ZNF462: variants seen among roughly 807,000 people sequenced by gnomAD.
ZNF462 encodes zinc finger PBX1-interacting protein.
In ZNF462, 10 loss-of-function variants were observed where a neutral mutation model predicts 201.9. The observed-to-expected ratio is 0.05, with a 90% CI of 0.03 to 0.08. ZNF462 has a LOEUF of 0.08. Among genes scored for constraint, ZNF462 ranks in the 10% least tolerant of loss-of-function variants. The probability of loss-of-function intolerance (pLI) is 1.00; values close to 1 mark genes in which losing one functional copy is unlikely to be tolerated. For missense variants in ZNF462, 2,523 were observed against 3,168.3 expected (o/e 0.80, Z 4.89); for synonymous variants, 1,227 against 1,193.3 (o/e 1.03, Z -0.58).
intron 7 of ZNF462, among the ~76,000 whole-genome samples, chr9:106,955,262 G>A (rs1831523660): frequency 2.0e-5 from 3 of 152,046 alleles, no homozygotes; most frequent in African/African-American, 7.2e-5. Flanking sequence ...AGCAAATATT[G>A]CAATATAAAA....
rs1247946659 is a variant in ZNF462 at position 106,883,349 on chromosome 9, C to G, written c.-31+19994C>G. ...AGGATAATAGCGGGAAAGTCAAAGC[C>G]TTTCTAAAGCAGAGACCATATTAAT... is the stretch of plus-strand genomic sequence containing the variant. On this transcript the variant is annotated intron_variant, in intron 1 of 12. Transcript: ENST00000277225. The surrounding 1 kb of genome is among the most constrained non-coding windows in gnomAD (Gnocchi z 4.9). 6.6e-6 allele frequency among the ~76,000 whole-genome samples: 1 copy of G among 152,216 alleles called. No individual in the cohort carries two copies. The highest frequency in any genetic ancestry group is 2.4e-5 in the African/African-American group (1 of 41,458).
rs542473608 is a variant in ZNF462, at chr9:106,933,571, A to G, written c.6116+1022A>G. ...TGTCCTAGGTACTGTACTTTTGGGAAATATAAAGACACAGGCCATGGTCTG... is the reference window on the plus strand; with the variant it reads ...TGTCCTAGGTACTGTACTTTTGGGAGATATAAAGACACAGGCCATGGTCTG... On this transcript the variant is annotated intron_variant, in intron 5 of 12. Transcript: ENST00000277225. This position sits in a 1 kb window ranked among gnomAD's most constrained non-coding sequence, Gnocchi z 4.3. Among the ~76,000 whole-genome samples the G allele has an allele frequency of 5.3e-5, 8 of 152,286 alleles. No homozygotes were observed. Among genetic ancestry groups the G allele is most frequent in the Non-Finnish European group, 1.0e-4 (7 of 68,020 alleles).
chr9:106,935,646 A>G lies in ZNF462; in HGVS notation c.6235+25A>G, dbSNP rs765073546. 2.5e-6 allele frequency: 4 copies of G among 1,584,418 alleles called. No homozygotes were observed. In the Admixed American group the frequency reaches 6.7e-5, roughly 26 times the overall value. On this transcript the variant is annotated intron_variant, in intron 6 of 12. Coordinates refer to ENST00000277225, the MANE Select transcript of ZNF462 (RefSeq NM_021224.6). This position sits in a 1 kb window ranked among gnomAD's most constrained non-coding sequence, Gnocchi z 4.1. ...GGTGAGTTGTGCATTGATGATGCACAAGTTCTTTAGCACTCTCTGAGTTTG... is the reference window on the plus strand; with the variant it reads ...GGTGAGTTGTGCATTGATGATGCACGAGTTCTTTAGCACTCTCTGAGTTTG...
At chr9:106,867,783 A>G (rs12686549) in intron 1 of ZNF462, among the ~76,000 whole-genome samples, 11,605 of 152,190 alleles carry the variant, frequency 0.076, 512 homozygotes, top group South Asian at 0.14. Flanking sequence ...TTATTCCTTG[A>G]TGTTGCAATT....
rs777888145 is a variant in ZNF462, at chr9:106,935,669, T to C, written c.6235+48T>C. On this transcript the variant is annotated intron_variant, in intron 6 of 12. Transcript: ENST00000277225. The surrounding 1 kb of genome is among the most constrained non-coding windows in gnomAD (Gnocchi z 4.1). The stretch of plus-strand genomic sequence containing the variant: ...ACAAGTTCTTTAGCACTCTCTGAGT[T>C]TGAAACCTGATGATCTTTATTGAGT... 2.1e-6 allele frequency: 3 copies of C among 1,459,072 alleles called. No homozygotes were observed. Among genetic ancestry groups the C allele is most frequent in the South Asian group, 1.1e-5 (1 of 87,736 alleles). 90.4% of individuals were successfully genotyped at this position (1,459,072 alleles called of 1,614,324 possible). A position where few individuals can be genotyped will look rare whatever the true frequency, so the allele number is the denominator to read the frequency against.
chr9:106,991,839 T>TACACAC (rs200978759), intron 10 of ZNF462, among the ~76,000 whole-genome samples: 1,536 of 136,324 alleles, frequency 0.011, 8 homozygotes, highest in Middle Eastern at 0.015. Flanking sequence ...CAGCACTCTC[T>TACACAC]ACACACACAC....
Position 106,886,457 on chromosome 9 carries a change from A to G in ZNF462, c.-31+23102A>G, listed in dbSNP as rs969036807. ...ATCCTGGTTTTAAAAATAAAATGCC[A>G]GGATGCCACCCTGAGGATCCAGACA... On this transcript the variant is annotated intron_variant, in intron 1 of 12. Transcript: ENST00000277225. The surrounding 1 kb of genome is among the most constrained non-coding windows in gnomAD (Gnocchi z 4.6). Among the ~76,000 whole-genome samples, 1 of 152,240 alleles carries G rather than the reference A, an allele frequency of 6.6e-6. No individual in the cohort carries two copies. The highest frequency in any genetic ancestry group is 2.4e-5 in the African/African-American group (1 of 41,456).
At chr9:106,906,106 T>C (rs1829261122) in intron 1 of ZNF462, among the ~76,000 whole-genome samples, 1 of 152,316 alleles carries the variant, frequency 6.6e-6, no homozygotes, top group Non-Finnish European at 1.5e-5. Context: ...CACTTGGCTC[T>C]CTAACTTGAC....
intron 6 of ZNF462, among the ~76,000 whole-genome samples, chr9:106,936,158 C>T (rs1830622757): frequency 6.6e-6 from 1 of 152,166 alleles, no homozygotes; most frequent in African/African-American, 2.4e-5. Flanking sequence ...CATCTCATTA[C>T]TCATTAGAAA....
In ZNF462 at chr9:106,905,094, T is replaced by A. The variant is rs1159975999; in HGVS notation, c.-30-18260T>A. On this transcript the variant is annotated intron_variant, in intron 1 of 12. Transcript: ENST00000277225. The surrounding 1 kb of genome is among the most constrained non-coding windows in gnomAD (Gnocchi z 5.9). ...CTATGGCTGAAGACTGTTGTTCAGA[T>A]TCTTTTGTCCCAAGGGGTGTTCCCT... 6.6e-6 allele frequency among the ~76,000 whole-genome samples: 1 copy of A among 152,162 alleles called. No homozygotes were observed. Among genetic ancestry groups the A allele is most frequent in the Admixed American group, 6.6e-5 (1 of 15,262 alleles).
Position 106,913,430 on chromosome 9 carries a change from G to A in ZNF462, c.-30-9924G>A, listed in dbSNP as rs1443499564. ...ATCTCATCAGAGCCAGACTTATGCC[G>A]GGCCCTGGGGATATAAGAATAAAAA... On this transcript the variant is annotated intron_variant, in intron 1 of 12. Transcript: ENST00000277225. The surrounding 1 kb of genome is among the most constrained non-coding windows in gnomAD (Gnocchi z 4.1). Among the ~76,000 whole-genome samples, 1 of 152,088 alleles carries A rather than the reference G, an allele frequency of 6.6e-6. No individual in the cohort carries two copies. The highest frequency in any genetic ancestry group is 2.4e-5 in the African/African-American group (1 of 41,406).
In ZNF462 at chr9:106,920,329, T is replaced by G. The variant is rs969772172; in HGVS notation, c.-30-3025T>G. On this transcript the variant is annotated intron_variant, in intron 1 of 12. Coordinates refer to ENST00000277225, the MANE Select transcript of ZNF462 (RefSeq NM_021224.6). This position sits in a 1 kb window ranked among gnomAD's most constrained non-coding sequence, Gnocchi z 4.3. ...ATCTCATAAACATATCAAGTTTCTC[T>G]CTCTTTGATTGGGCCATGCCAGCAA... Among the ~76,000 whole-genome samples the G allele has an allele frequency of 2.0e-5, 3 of 152,188 alleles. No homozygotes were observed. Among genetic ancestry groups the G allele is most frequent in the Admixed American group, 6.5e-5 (1 of 15,278 alleles).
Position 106,970,902 on chromosome 9 carries a change from C to T in ZNF462, c.6428-1103C>T, listed in dbSNP as rs1338789306. ...TCCTCCCTCCTAGATCAGATTTCTC[C>T]ACCGCATGCCATTGAAGCTTCTCGG... On this transcript the variant is annotated intron_variant, in intron 7 of 12. Transcript: ENST00000277225. This position sits in a 1 kb window ranked among gnomAD's most constrained non-coding sequence, Gnocchi z 4.2. 6.6e-6 allele frequency among the ~76,000 whole-genome samples: 1 copy of T among 151,704 alleles called. No homozygotes were observed. The highest frequency in any genetic ancestry group is 6.6e-5 in the Admixed American group (1 of 15,216).
Position 106,984,362 on chromosome 9 carries a change from A to G in ZNF462, c.7009A>G (p.Thr2337Ala), listed in dbSNP as rs1238727047. Residue 2337 changes from threonine to alanine, a missense_variant, in exon 10 of 13, where the codon ACC becomes GCC. This residue lies in a region of ZNF462 where 228 missense variants were observed against 361.2 expected (regional missense o/e 0.63). Transcript: ENST00000277225. This position sits in a 1 kb window ranked among gnomAD's most constrained non-coding sequence, Gnocchi z 6.4. The stretch of plus-strand genomic sequence containing the variant: ...CAAATGCCAGCTCTGCTACTATGAG[A>G]CCAAGCACACGGAGGAACTGGACAG... ...PYKCQLCYYE[T>A]KHTEELDSHL... 1 of 1,614,016 alleles carries G rather than the reference A, an allele frequency of 6.2e-7. No individual in the cohort carries two copies. The highest frequency in any genetic ancestry group is 1.7e-5 in the Admixed American group (1 of 59,996).
Position 106,885,144 on chromosome 9 carries a change from A to G in ZNF462, c.-31+21789A>G, listed in dbSNP as rs1320287227. ...GCAGGTCAGACACTTCAGCTTCCCAAGAAAATGCAAGGAATTTATTTATTT... is the reference window on the plus strand; with the variant it reads ...GCAGGTCAGACACTTCAGCTTCCCAGGAAAATGCAAGGAATTTATTTATTT... On this transcript the variant is annotated intron_variant, in intron 1 of 12. Transcript: ENST00000277225. This position sits in a 1 kb window ranked among gnomAD's most constrained non-coding sequence, Gnocchi z 4.1. 6.6e-6 allele frequency among the ~76,000 whole-genome samples: 1 copy of G among 152,238 alleles called. No individual in the cohort carries two copies. Among genetic ancestry groups the G allele is most frequent in the Non-Finnish European group, 1.5e-5 (1 of 68,042 alleles).
At chr9:106,901,017 C>G (rs1829042905) in intron 1 of ZNF462, among the ~76,000 whole-genome samples, 1 of 152,082 alleles carries the variant, frequency 6.6e-6, no homozygotes, top group Non-Finnish European at 1.5e-5. Flanking sequence ...TTTATAGTTT[C>G]AGGTCTTAGA....
Position 107,005,173 on chromosome 9 carries a change from C to A in ZNF462, c.7189+1747C>A, listed in dbSNP as rs185091959. Among the ~76,000 whole-genome samples the A allele has an allele frequency of 3.7e-4, 57 of 152,180 alleles. No individual in the cohort carries two copies. The East Asian group carries it at 0.01, about 27-fold the overall frequency. ...TTATTATGAATAACCCTGCAGTGAA[C>A]GTGAGAGTGCAGATATTTCTTCAAT... is the stretch of plus-strand genomic sequence containing the variant. On this transcript the variant is annotated intron_variant, in intron 11 of 12. Transcript: ENST00000277225. This position sits in a 1 kb window ranked among gnomAD's most constrained non-coding sequence, Gnocchi z 4.4.
At position 106,925,334 on chromosome 9, in the gene ZNF462, A is replaced by C. The variant is rs201707556; in HGVS notation, c.1422A>C (p.Glu474Asp). 7.6e-5 allele frequency: 122 copies of C among 1,614,232 alleles called. No homozygotes were observed. In the East Asian group the frequency reaches 1.9e-3, roughly 25 times the overall value. The change falls in exon 3 of 13, where the codon GAA (glutamate) becomes GAC (aspartate). Residue 474 changes from glutamate to aspartate, a missense_variant. Glu to Asp is a conservative substitution (Grantham distance 45). This residue lies in a region of ZNF462 where 383 missense variants were observed against 453.4 expected (regional missense o/e 0.84). Coordinates refer to ENST00000277225, the MANE Select transcript of ZNF462 (RefSeq NM_021224.6). This position sits in a 1 kb window ranked among gnomAD's most constrained non-coding sequence, Gnocchi z 7.9. ...AGACAGCTGTCTACAAATGTGACGA[A>C]TGTCCGTTTACTTGCAAGAGCTCGT... ...SGKTAVYKCDECPFTCKSSLK... is the reference protein window; with the variant it reads ...SGKTAVYKCDDCPFTCKSSLK...
At chr9:106,942,076 G>T (rs1830897349) in intron 7 of ZNF462, among the ~76,000 whole-genome samples, 1 of 152,228 alleles carries the variant, frequency 6.6e-6, no homozygotes, top group Non-Finnish European at 1.5e-5. Flanking sequence ...CCAAAAATGT[G>T]TTGCAGGCCT....
Sources: gnomAD v4.1 joint callset for allele counts (sites outside exome capture counted in the v4.1 genomes callset) on GRCh38, gnomAD v4.1.1 for gene constraint, gnomAD v4.1.1 regional missense constraint, Gnocchi (gnomAD v3.1) non-coding constraint, MANE v1.5 for transcripts, NCBI Gene and HGNC (gene_info 2026-07-23, HGNC 2026-07-21) for gene names.